Variants in ASIP observed in about 807,000 individuals in gnomAD.
ASIP encodes agouti-signaling protein.
In ASIP, 11 loss-of-function variants were observed where a neutral mutation model predicts 10.3. That is an observed-to-expected ratio of 1.07 (90% CI 0.68 to 1.78). ASIP has a LOEUF of 1.78. Ranked by LOEUF, ASIP falls within the 40% of genes most tolerant of loss-of-function variation. The probability of loss-of-function intolerance (pLI) is 0.00; values close to 1 mark genes in which losing one functional copy is unlikely to be tolerated. For missense variants in ASIP, 180 were observed against 169.2 expected (o/e 1.06, Z -0.35); for synonymous variants, 70 against 70.8 (o/e 0.99, Z 0.06).
intron 2 of ASIP, 139 bp from the exon 3 acceptor site, chr20:34,262,693 T>C: frequency 9.1e-6 from 8 of 879,370 alleles, no homozygotes; most frequent in Non-Finnish European, 1.5e-5. Context: ...GCTTGAGTCC[T>C]ACAGTGTGAC....
chr20:34,224,271 A>G (rs2035077733), intron 1 of ASIP, among the ~76,000 whole-genome samples: 2 of 151,778 alleles, frequency 1.3e-5, no homozygotes, highest in African/African-American at 4.8e-5. Flanking sequence ...AGAAATACTT[A>G]GGGAAAGATA....
chr20:34,239,389 G>C (rs757487166), upstream of ASIP, among the ~76,000 whole-genome samples: 1 of 152,002 alleles, frequency 6.6e-6, no homozygotes, highest in Non-Finnish European at 1.5e-5. Flanking sequence ...GCTATTTTTT[G>C]TATTTTTAGT....
At chr20:34,215,981 C>A in intron 1 of ASIP, 1 of 738,222 alleles carries the variant, frequency 1.4e-6, no homozygotes, top group Admixed American at 1.7e-5. Context: ...CCTATCACTC[C>A]AGCCCGCCTC....
chr20:34,220,953 CTTTTT>C (rs10661983), intron 1 of ASIP, among the ~76,000 whole-genome samples: 14 of 109,764 alleles, frequency 1.3e-4, no homozygotes, highest in African/African-American at 4.7e-4. Flanking sequence ...TTCTTTCCTT[CTTTTT>C]TTTTTTTTTT....
chr20:34,216,108 A>C (rs1387591805), intron 1 of ASIP, among the ~76,000 whole-genome samples: 6 of 152,232 alleles, frequency 3.9e-5, no homozygotes, highest in Admixed American at 1.3e-4. Context: ...CCGCAGCGCC[A>C]ACGCCAGAGA....
At chr20:34,249,130 A>G (rs1375438383) in intron 1 of ASIP, among the ~76,000 whole-genome samples, 3 of 149,224 alleles carry the variant, frequency 2.0e-5, no homozygotes, top group East Asian at 3.9e-4. Context: ...CCCTGTCTCG[A>G]AAAAAAAAAA....
At chr20:34,235,788 A>AGAAG in intron 1 of ASIP, among the ~76,000 whole-genome samples, 1 of 34,424 alleles carries the variant, frequency 2.9e-5, no homozygotes, top group African/African-American at 2.5e-4. Context: ...CTGAGAAAGA[A>AGAAG]GAAAGAAAGA....
At chr20:34,190,192 C>T (rs893502881), upstream of ASIP, among the ~76,000 whole-genome samples, 3 of 152,206 alleles carry the variant, frequency 2.0e-5, no homozygotes, top group Non-Finnish European at 4.4e-5. Context: ...GTCCAGGCCC[C>T]ACCTCCTGCC....
intron 1 of ASIP, among the ~76,000 whole-genome samples, chr20:34,258,673 C>CTATATATATATATATATATATA (rs1568768595): frequency 4.3e-4 from 2 of 4,606 alleles, no homozygotes; most frequent in Admixed American, 5.7e-3. Flanking sequence ...AAGGGGGATG[C>CTATATATATATATATATATATA]CATATATATA....
chr20:34,223,502 G>T (rs1465810381), intron 1 of ASIP, among the ~76,000 whole-genome samples: 44 of 151,734 alleles, frequency 2.9e-4, no homozygotes, highest in Middle Eastern at 3.4e-3. Context: ...GAGGTGGGGG[G>T]TCAGCCCCCC....
intron 2 of ASIP, among the ~76,000 whole-genome samples, chr20:34,260,902 T>C (rs1601613100): frequency 6.6e-6 from 1 of 152,166 alleles, no homozygotes; most frequent in South Asian, 2.1e-4. Context: ...AGTCCTGTCA[T>C]GTCAGGGTTG....
intron 1 of ASIP, among the ~76,000 whole-genome samples, chr20:34,209,941 C>G (rs1032903911): frequency 7.9e-5 from 12 of 152,172 alleles, no homozygotes; most frequent in Admixed American, 2.6e-4. Context: ...TGCCCATGGA[C>G]CAATCAGTGT....
chr20:34,258,697 T>TATATATATATATATATACACAC (rs2035623038), intron 1 of ASIP, among the ~76,000 whole-genome samples: 1 of 13,134 alleles, frequency 7.6e-5, no homozygotes, highest in Non-Finnish European at 2.9e-4. Context: ...ATATACATAC[T>TATATATATATATATATACACAC]ATATATATAT....
At chr20:34,195,899 T>C (rs1422466474) in intron 1 of ASIP, among the ~76,000 whole-genome samples, 2 of 152,116 alleles carry the variant, frequency 1.3e-5, no homozygotes, top group East Asian at 1.9e-4. Flanking sequence ...AACCCCCATA[T>C]ATTGTAACTG....
At chr20:34,213,165 C>T (rs2034985364) in intron 1 of ASIP, among the ~76,000 whole-genome samples, 1 of 152,198 alleles carries the variant, frequency 6.6e-6, no homozygotes, top group Non-Finnish European at 1.5e-5. Flanking sequence ...ACCCTTCTTG[C>T]TCCTTCTCCT....
At chr20:34,206,932 T>C (rs2034941118) in intron 1 of ASIP, among the ~76,000 whole-genome samples, 1 of 152,216 alleles carries the variant, frequency 6.6e-6, no homozygotes, top group African/African-American at 2.4e-5. Flanking sequence ...ATTTCATATC[T>C]TCGTTATTGT....
At chr20:34,222,380 G>GA (rs2035053485) in intron 1 of ASIP, among the ~76,000 whole-genome samples, 1 of 151,980 alleles carries the variant, frequency 6.6e-6, no homozygotes, top group Non-Finnish European at 1.5e-5. Flanking sequence ...TTGTGGTTTA[G>GA]GGCTCCAGAG....
intron 1 of ASIP, among the ~76,000 whole-genome samples, chr20:34,233,011 G>A (rs146960153): frequency 0.011 from 1,617 of 152,196 alleles, 13 homozygotes; most frequent in African/African-American, 0.027. Context: ...TACTGGGATC[G>A]TTGTTCTCCT....
At chr20:34,196,847 G>A (rs2034860846) in intron 1 of ASIP, among the ~76,000 whole-genome samples, 1 of 152,164 alleles carries the variant, frequency 6.6e-6, no homozygotes, top group African/African-American at 2.4e-5. Context: ...CACCACAAAG[G>A]TAGGATCCAG....
Sources: allele counts gnomAD v4.1 joint callset (sites outside exome capture counted in the v4.1 genomes callset), GRCh38; gene constraint gnomAD v4.1.1; transcripts MANE v1.5; gene names NCBI Gene and HGNC (gene_info 2026-07-23, HGNC 2026-07-21).